ECH1: variants seen among roughly 807,000 people sequenced by gnomAD.
The protein encoded by ECH1 is delta(3,5)-Delta(2,4)-dienoyl-CoA isomerase, mitochondrial.
In ECH1, 30 loss-of-function variants were observed where a neutral mutation model predicts 37.0. The observed-to-expected ratio is 0.81, with a 90% CI of 0.61 to 1.10. The LOEUF (loss-of-function observed/expected upper bound fraction) is 1.10. ECH1 is among the 50% of genes least tolerant of loss of function. ECH1 has a pLI of 0.00. For synonymous variants in ECH1, 178 were observed against 176.0 expected, an observed-to-expected ratio of 1.01 and a Z score of -0.09; for missense variants, 456 against 441.6, an observed-to-expected ratio of 1.03 and a Z score of -0.29.
chr19:38,831,203 G>C, intron 2 of ECH1, 37 bp from the exon 3 acceptor site: 1 of 1,612,162 alleles, frequency 6.2e-7, no homozygotes, highest in South Asian at 1.1e-5. Flanking sequence ...AAATGGGGCG[G>C]GAATACCCTG....
At chr19:38,831,682 A>G (rs1323168622) in intron 1 of ECH1, 39 bp downstream of exon 1, 1 of 1,612,410 alleles carries the variant, frequency 6.2e-7, no homozygotes, top group Admixed American at 1.7e-5. Flanking sequence ...TAACAGCACG[A>G]CAGCGCGACG....
rs759275298 is a variant in ECH1 at position 38,831,071 on chromosome 19, C to T, written c.349+7G>A. 1 of 1,613,848 alleles carries T rather than the reference C, an allele frequency of 6.2e-7. No homozygotes were observed. Among genetic ancestry groups the T allele is most frequent in the South Asian group, 1.1e-5 (1 of 91,076 alleles). On this transcript the variant is annotated splice_region_variant and intron_variant, in intron 3 of 9. Coordinates refer to ENST00000221418, the MANE Select transcript of ECH1 (RefSeq NM_001398.3). Reference sequence around the variant, plus strand: ...GGCTGGCAGGGTGTGTGAAGAGCGTCTGGTACCTGCAGTGAACATTTTTCC... The same window carrying T: ...GGCTGGCAGGGTGTGTGAAGAGCGTTTGGTACCTGCAGTGAACATTTTTCC...
intron 3 of ECH1, among the ~76,000 whole-genome samples, chr19:38,829,060 C>T (rs557694398): frequency 1.3e-5 from 2 of 149,930 alleles, no homozygotes; most frequent in South Asian, 2.1e-4. Flanking sequence ...CGAGGGGGGC[C>T]GATCACTGGA....
At chr19:38,816,563 T>A in intron 6 of ECH1, 40 bp from the exon 7 acceptor site, 1 of 1,609,130 alleles carries the variant, frequency 6.2e-7, no homozygotes. Flanking sequence ...TTCTGCCCAA[T>A]ACTGTGCCCC....
At chr19:38,831,050 G>A (rs772139985) in intron 3 of ECH1, 28 bp downstream of exon 3, 1 of 1,604,702 alleles carries the variant, frequency 6.2e-7, no homozygotes, top group Non-Finnish European at 8.5e-7. Flanking sequence ...TAGGAAGGCT[G>A]GCAGGGTGTG....
At position 38,817,439 on chromosome 19, in the gene ECH1, C is replaced by T. The variant is rs771618193; in HGVS notation, c.474+12G>A. 8.7e-6 allele frequency: 14 copies of T among 1,612,978 alleles called. No individual in the cohort carries two copies. The highest frequency in any genetic ancestry group is 1.7e-5 in the Admixed American group (1 of 59,836). ...GTATGGAGAAAGATCCCCTCCAGAC[C>T]CCTAGAGTCACCCTCTCGATGACGT... On this transcript the variant is annotated intron_variant, in intron 4 of 9. Transcript: ENST00000221418.
chr19:38,816,961 G>T, intron 6 of ECH1, 104 bp downstream of exon 6: 1 of 1,299,096 alleles, frequency 7.7e-7, no homozygotes, highest in Non-Finnish European at 1.1e-6. Flanking sequence ...TTACTTTGTC[G>T]GGTTCAACTC....
At chr19:38,822,232 C>T (rs1003580659) in intron 3 of ECH1, among the ~76,000 whole-genome samples, 8 of 151,356 alleles carry the variant, frequency 5.3e-5, no homozygotes, top group African/African-American at 1.9e-4. Flanking sequence ...AACCAATCAG[C>T]ACTCTGTGTC....
intron 3 of ECH1, chr19:38,830,825 T>C (rs1465192821): frequency 6.1e-6 from 3 of 494,290 alleles, no homozygotes; most frequent in Admixed American, 3.6e-5. Flanking sequence ...ATACAAAAAT[T>C]AGCTGGGTGT....
intron 3 of ECH1, among the ~76,000 whole-genome samples, chr19:38,818,738 G>A (rs1341968515): frequency 6.6e-6 from 1 of 151,972 alleles, no homozygotes; most frequent in African/African-American, 2.4e-5. Flanking sequence ...CACCCACCTC[G>A]GCCTCCCAAA....
chr19:38,827,639 C>T (rs1971758667), intron 3 of ECH1, among the ~76,000 whole-genome samples: 1 of 152,152 alleles, frequency 6.6e-6, no homozygotes, highest in African/African-American at 2.4e-5. Flanking sequence ...CAACTCTGCC[C>T]TAATCTCTTG....
rs1487500375 is a variant in ECH1, at chr19:38,831,486, C to T, written c.83G>A (p.Ser28Asn). 1 of 1,614,162 alleles carries T rather than the reference C, an allele frequency of 6.2e-7. No homozygotes were observed. Among genetic ancestry groups the T allele is most frequent in the South Asian group, 1.1e-5 (1 of 91,080 alleles). ...RLTGSNYPGLSISLRLTGSSA... is the reference protein window; with the variant it reads ...RLTGSNYPGLNISLRLTGSSA... ...GGAGCCAGTGAGGCGAAGGCTAATA[C>T]TGAGTCCCGGGTAGTTGGAGCCTGT... is the stretch of plus-strand genomic sequence containing the variant. The change falls in exon 2 of 10, where the codon AGT becomes AAT. Residue 28 changes from serine (S) to asparagine (N), a missense_variant. Ser to Asn is a conservative substitution (Grantham distance 46, BLOSUM62 1). Coordinates refer to ENST00000221418, the MANE Select transcript of ECH1 (RefSeq NM_001398.3).
Position 38,831,326 on chromosome 19 carries a change from C to A in ECH1, c.243G>T (p.Met81Ile), listed in dbSNP as rs1341091280. The A allele has an allele frequency of 6.2e-7, 1 of 1,611,958 alleles. No individual in the cohort carries two copies. The highest frequency in any genetic ancestry group is 8.5e-7 in the Non-Finnish European group (1 of 1,178,524). Residue 81 changes from methionine to isoleucine, a missense_variant, in exon 2 of 10, where the codon ATG becomes ATT. Transcript: ENST00000221418. Reference sequence around the variant, plus strand: ...GGTCAGACCTCCAGAAGACCTTGTTCATGGCATTCCTCTTGTTGGGCCGGT... The same window carrying A: ...GGTCAGACCTCCAGAAGACCTTGTTAATGGCATTCCTCTTGTTGGGCCGGT... The part of the protein sequence containing the change: ...QLNRPNKRNA[M>I]NKVFWREMVE...
At chr19:38,819,000 T>C (rs1971622184) in intron 3 of ECH1, 3 of 384,834 alleles carry the variant, frequency 7.8e-6, no homozygotes, top group Non-Finnish European at 1.1e-5. Flanking sequence ...TGTGTGTGTG[T>C]GTGTGTGTGC....
intron 2 of ECH1, 37 bp downstream of exon 2, chr19:38,831,272 C>T (rs758726202): frequency 1.9e-5 from 30 of 1,606,886 alleles, no homozygotes; most frequent in Admixed American, 6.7e-5. Context: ...GCCCCGCCTC[C>T]CCCCGCAGGC....
In ECH1 at chr19:38,816,067, C is replaced by T. The variant is rs113851915; in HGVS notation, c.732-60G>A. ...GGAAGGGCTCTCTCCTCCAGCCTCCCGCAGATGAAGAAGTGGCCACTCACA... is the reference window on the plus strand; with the variant it reads ...GGAAGGGCTCTCTCCTCCAGCCTCCTGCAGATGAAGAAGTGGCCACTCACA... On this transcript the variant is annotated intron_variant, in intron 8 of 9. Transcript: ENST00000221418. The T allele has an allele frequency of 3.1e-3, 4,983 of 1,600,166 alleles. 119 individuals carry two copies. The African/African-American group carries it at 0.056, about 18-fold the overall frequency.
At chr19:38,825,834 C>T (rs931108745) in intron 3 of ECH1, among the ~76,000 whole-genome samples, 3 of 152,198 alleles carry the variant, frequency 2.0e-5, no homozygotes, top group African/African-American at 4.8e-5. Flanking sequence ...AGGTGCACTG[C>T]CCCAGCGGAC....
intron 3 of ECH1, 64 bp from the exon 4 acceptor site, chr19:38,817,639 G>A: frequency 6.6e-7 from 1 of 1,517,768 alleles, no homozygotes; most frequent in Non-Finnish European, 8.9e-7. Flanking sequence ...CTCAACCAGG[G>A]ATCAGAACCC....
chr19:38,819,270 A>G (rs1403960543), intron 3 of ECH1: 5 of 970,466 alleles, frequency 5.2e-6, no homozygotes, highest in Admixed American at 6.2e-5. Flanking sequence ...GGAGCCAAGG[A>G]CCTTTGGGCT....
Sources: gnomAD v4.1 joint callset for allele counts (sites outside exome capture counted in the v4.1 genomes callset) on GRCh38, gnomAD v4.1.1 for gene constraint, MANE v1.5 for transcripts, NCBI Gene and HGNC (gene_info 2026-07-23, HGNC 2026-07-21) for gene names.